The following XPO4 variants were observed in gnomAD, a reference collection of about 807,000 sequenced individuals.
The protein encoded by XPO4 is exportin-4.
Under a neutral mutation model 143.0 loss-of-function variants are expected in XPO4, and 39 were observed. The observed-to-expected ratio is 0.27, with a 90% CI of 0.21 to 0.36. The LOEUF (loss-of-function observed/expected upper bound fraction) is 0.36. Among genes scored for constraint, XPO4 ranks in the 10% least tolerant of loss-of-function variants. The pLI is 1.00. For missense variants in XPO4, 907 were observed against 1,348.0 expected (o/e 0.67, Z 5.12); for synonymous variants, 439 against 474.0 (o/e 0.93, Z 0.96).
At chr13:20,852,998 A>C in intron 4 of XPO4, 1 of 985,370 alleles carries the variant, frequency 1.0e-6, no homozygotes, top group Non-Finnish European at 1.2e-6. Flanking sequence ...AGAAATGGAG[A>C]CTATATCTAC....
chr13:20,871,635 C>T (rs775096818), intron 1 of XPO4, among the ~76,000 whole-genome samples: 16 of 152,180 alleles, frequency 1.1e-4, no homozygotes, highest in Non-Finnish European at 1.3e-4. Context: ...GCTACAAATA[C>T]GAATCTATGA....
chr13:20,845,454 T>G (rs886594737), intron 4 of XPO4, among the ~76,000 whole-genome samples: 28 of 152,170 alleles, frequency 1.8e-4, no homozygotes, highest in African/African-American at 6.8e-4. Flanking sequence ...TGACTTAATA[T>G]AAAAATGTCC....
chr13:20,833,249 C>T (rs1362036085), intron 6 of XPO4, among the ~76,000 whole-genome samples: 2 of 152,066 alleles, frequency 1.3e-5, no homozygotes, highest in Non-Finnish European at 2.9e-5. Flanking sequence ...TGCTAGGGCT[C>T]AACAATGCAG....
chr13:20,868,427 C>G, intron 2 of XPO4, 169 bp downstream of exon 2: 5 of 1,092,730 alleles, frequency 4.6e-6, no homozygotes, highest in Non-Finnish European at 4.7e-6. Context: ...TCCCGTCTGG[C>G]TTTACAGAAT....
intron 22 of XPO4, among the ~76,000 whole-genome samples, chr13:20,784,231 C>T (rs1409741012): frequency 6.6e-6 from 1 of 152,190 alleles, no homozygotes; most frequent in African/African-American, 2.4e-5. Context: ...CCCCAAGACC[C>T]ATGTGATAAT....
chr13:20,872,533 C>T (rs17321077), intron 1 of XPO4, among the ~76,000 whole-genome samples: 14,187 of 151,842 alleles, frequency 0.093, 819 homozygotes, highest in Non-Finnish European at 0.13. Context: ...ATTTAGGATA[C>T]GAGGCATTAT....
intron 1 of XPO4, among the ~76,000 whole-genome samples, chr13:20,898,131 T>A (rs1202608464): frequency 6.6e-6 from 1 of 152,172 alleles, no homozygotes; most frequent in Non-Finnish European, 1.5e-5. Context: ...AAGACAAAAA[T>A]TTTTCTATAG....
Position 20,781,425 on chromosome 13 carries a change from A to G in XPO4, c.*2297T>C, listed in dbSNP as rs1595041588. 1 of 152,632 alleles carries G rather than the reference A, an allele frequency of 6.6e-6. No homozygotes were observed. The highest frequency in any genetic ancestry group is 1.5e-5 in the Non-Finnish European group (1 of 68,036). The allele number at this position is 152,632 out of a possible 1,614,324, so 9.5% of individuals were successfully genotyped here. On this transcript the variant is annotated 3_prime_UTR_variant, in exon 23 of 23. Transcript: ENST00000255305. ...AATGGTAGTGGCTTCTCCCCACCCC[A>G]GTGAGCTAATATTCAACATTCTGCT...
At chr13:20,822,041 G>C (rs1343478311) in intron 8 of XPO4, 91 bp downstream of exon 8, 3 of 1,457,940 alleles carry the variant, frequency 2.1e-6, no homozygotes, top group Non-Finnish European at 2.7e-6. Flanking sequence ...AAAATATAAG[G>C]GGGAAAAAAT....
At chr13:20,792,403 C>G (rs190280898) in intron 18 of XPO4, among the ~76,000 whole-genome samples, 1 of 151,858 alleles carries the variant, frequency 6.6e-6, no homozygotes, top group African/African-American at 2.4e-5. Context: ...CCAGCCTGGC[C>G]AACATAGTGA....
chr13:20,843,103 C>A, intron 5 of XPO4, 55 bp from the exon 6 acceptor site: 1 of 1,479,162 alleles, frequency 6.8e-7, no homozygotes, highest in South Asian at 1.3e-5. Flanking sequence ...AAAATGTATC[C>A]CCTTTTAGAA....
At chr13:20,862,982 T>A (rs893677092) in intron 2 of XPO4, 124 bp from the exon 3 acceptor site, 12 of 1,489,656 alleles carry the variant, frequency 8.1e-6, no homozygotes, top group East Asian at 7.1e-5. Flanking sequence ...TTCTTTTTTT[T>A]ATCCAGTGAC....
chr13:20,902,448 C>T (rs993318209), intron 1 of XPO4: 31 of 985,316 alleles, frequency 3.1e-5, no homozygotes, highest in Non-Finnish European at 3.7e-5. Context: ...GACTGGGGTG[C>T]TGGGCAGCCA....
intron 9 of XPO4, among the ~76,000 whole-genome samples, chr13:20,814,239 T>C (rs991071802): frequency 1.3e-5 from 2 of 151,740 alleles, no homozygotes; most frequent in African/African-American, 4.8e-5. Flanking sequence ...CCTATCTTGG[T>C]TGTTTTTTAG....
intron 4 of XPO4, among the ~76,000 whole-genome samples, 179 bp downstream of exon 4, chr13:20,855,448 T>C (rs1316214289): frequency 7.3e-6 from 1 of 136,248 alleles, no homozygotes; most frequent in African/African-American, 2.8e-5. Context: ...AGAGCAAAAC[T>C]CTTGTCACAA....
intron 4 of XPO4, chr13:20,851,177 T>A: frequency 1.0e-6 from 1 of 985,446 alleles, no homozygotes; most frequent in African/African-American, 1.7e-5. Context: ...GAGGATGATA[T>A]AAGAAAATGT....
At chr13:20,832,582 T>C (rs1160668259) in intron 6 of XPO4, among the ~76,000 whole-genome samples, 1 of 152,212 alleles carries the variant, frequency 6.6e-6, no homozygotes, top group Non-Finnish European at 1.5e-5. Context: ...TACTATTTTT[T>C]ACCCTACTTC....
rs1249470112 is a variant in XPO4, at chr13:20,804,164, T to C, written c.1818-3174A>G. On this transcript the variant is annotated intron_variant, in intron 13 of 22. Transcript: ENST00000255305. ...ACTATATATATACACACAATATATA[T>C]ATACACACTATATACATACACTATA... Among the ~76,000 whole-genome samples the C allele has an allele frequency of 5.3e-5, 8 of 150,580 alleles. No individual in the cohort carries two copies. In the South Asian group the frequency reaches 6.2e-4, roughly 12 times the overall value.
intron 13 of XPO4, 22 bp from the exon 14 acceptor site, chr13:20,801,012 C>T (rs751853523): frequency 9.7e-5 from 155 of 1,598,376 alleles, no homozygotes; most frequent in Non-Finnish European, 1.2e-4. Context: ...AAACAGAAGT[C>T]ATTTATTCTT....
Sources: gnomAD v4.1 joint callset for allele counts (sites outside exome capture counted in the v4.1 genomes callset) on GRCh38, gnomAD v4.1.1 for gene constraint, MANE v1.5 for transcripts, NCBI Gene and HGNC (gene_info 2026-07-23, HGNC 2026-07-21) for gene names.